RAD54B: variants seen among roughly 807,000 people sequenced by gnomAD.
The protein encoded by RAD54B is DNA repair and recombination protein RAD54B.
In RAD54B, 78 loss-of-function variants were observed where a neutral mutation model predicts 95.8. The ratio of observed to expected loss-of-function variants is 0.81; its 90% CI spans 0.68 to 0.98. The LOEUF (loss-of-function observed/expected upper bound fraction) is 0.98, where lower values mean the gene tolerates loss of function less well. RAD54B is among the 50% of genes least tolerant of loss of function. The pLI is 0.00. For synonymous variants in RAD54B, 328 were observed against 354.9 expected (o/e 0.92, Z 0.85); for missense variants, 957 against 1,056.6 (o/e 0.91, Z 1.31).
chr8:94,424,251 T>C (rs2130078573), intron 3 of RAD54B, among the ~76,000 whole-genome samples: 1 of 152,364 alleles, frequency 6.6e-6, no homozygotes, highest in African/African-American at 2.4e-5. Context: ...TGCCTCTTAC[T>C]AGCTCTATGA....
chr8:94,388,959 A>G (rs965006326), intron 10 of RAD54B, among the ~76,000 whole-genome samples: 2 of 152,364 alleles, frequency 1.3e-5, no homozygotes, highest in East Asian at 3.9e-4. Context: ...AAGAGACTGA[A>G]TAAGTCAGAA....
rs751730777 is a variant in RAD54B at position 94,378,182 on chromosome 8, G to C, written c.2513C>G (p.Thr838Arg). ...DCECTGEEVHTGDSLEKFIVS... is the reference protein window; with the variant it reads ...DCECTGEEVHRGDSLEKFIVS... ...AACAGAATTAAAATATAACTAACCT[G>C]TATGAACTTCTTCTCCTGTACACTC... The change falls in exon 14 of 15, where the codon ACA (threonine) becomes AGA (arginine). Residue 838 changes from threonine to arginine, a missense_variant and splice_region_variant. Thr to Arg is a moderately conservative substitution (Grantham distance 71, BLOSUM62 -1). Coordinates refer to ENST00000336148, the MANE Select transcript of RAD54B (RefSeq NM_012415.3). The C allele has an allele frequency of 1.2e-6, 2 of 1,603,712 alleles. No individual in the cohort carries two copies. Among genetic ancestry groups the C allele is most frequent in the Non-Finnish European group, 1.7e-6 (2 of 1,174,596 alleles).
At position 94,467,175 on chromosome 8, in the gene RAD54B, G is replaced by A. The variant is rs538913790; in HGVS notation, c.135+230C>T. ...CGTCCTTAGCTCAAGTGATCCTCCC[G>A]CCTCTGCCTCCCAAGGTGCTGGGAT... On this transcript the variant is annotated intron_variant, in intron 2 of 14. Transcript: ENST00000336148. Among the ~76,000 whole-genome samples, 3 of 152,162 alleles carry A rather than the reference G, an allele frequency of 2.0e-5. No homozygotes were observed. The highest frequency in any genetic ancestry group is 6.5e-5 in the Admixed American group (1 of 15,288).
At chr8:94,376,542 T>C (rs1469241504) in intron 14 of RAD54B, among the ~76,000 whole-genome samples, 1 of 151,170 alleles carries the variant, frequency 6.6e-6, no homozygotes, top group African/African-American at 2.4e-5. Flanking sequence ...AGGAAAAAAT[T>C]TAATAGGGAG....
At chr8:94,378,666 C>A (rs774940010) in intron 12 of RAD54B, 32 bp from the exon 13 acceptor site, 2 of 1,460,148 alleles carry the variant, frequency 1.4e-6, no homozygotes, top group East Asian at 4.5e-5. Flanking sequence ...TCTGAGAGTA[C>A]AGTAGAAACT....
chr8:94,416,745 G>A (rs543296549), intron 3 of RAD54B, among the ~76,000 whole-genome samples: 17 of 152,122 alleles, frequency 1.1e-4, no homozygotes, highest in Non-Finnish European at 2.5e-4. Context: ...AGTGTGATGC[G>A]TATGTGGAGA....
chr8:94,372,213 G>A lies in RAD54B; in HGVS notation c.2690C>T (p.Ser897Leu). The A allele has an allele frequency of 6.2e-7, 1 of 1,611,312 alleles. No homozygotes were observed. The highest frequency in any genetic ancestry group is 8.5e-7 in the Non-Finnish European group (1 of 1,179,168). ...PFLERITENV[S>L]FIFQNITTQA... is the part of the protein sequence containing the mutation. ...AGTGGTTATATTCTGAAAAATGAAT[G>A]ACACATTTTCTGTTATTCTTTCAAG... Residue 897 changes from serine to leucine, a missense_variant, in exon 15 of 15, where the codon TCA (serine) becomes TTA (leucine). Ser to Leu is a moderately radical substitution (Grantham distance 145). Transcript: ENST00000336148.
chr8:94,394,011 G>T, intron 8 of RAD54B, 129 bp from the exon 9 acceptor site: 1 of 824,114 alleles, frequency 1.2e-6, no homozygotes, highest in Non-Finnish European at 1.9e-6. Context: ...CAAGCAAATT[G>T]CCTAAAACTA....
intron 8 of RAD54B, among the ~76,000 whole-genome samples, chr8:94,395,118 G>C (rs1424841869): frequency 6.6e-6 from 1 of 152,088 alleles, no homozygotes; most frequent in Non-Finnish European, 1.5e-5. Context: ...ACTGTGGTTG[G>C]CTTTCAGACA....
At chr8:94,399,736 T>C in intron 7 of RAD54B, 115 bp from the exon 8 acceptor site, 1 of 1,350,994 alleles carries the variant, frequency 7.4e-7, no homozygotes, top group Non-Finnish European at 9.8e-7. Flanking sequence ...TAACTCTTTC[T>C]GTCTTAGTCA....
chr8:94,384,509 T>A (rs1435774406), intron 11 of RAD54B, among the ~76,000 whole-genome samples: 1 of 38,086 alleles, frequency 2.6e-5, no homozygotes, highest in Non-Finnish European at 1.4e-4. Flanking sequence ...AAGGAGTTGG[T>A]GTTTAATAGA....
intron 3 of RAD54B, chr8:94,428,036 G>A: frequency 1.1e-6 from 1 of 947,134 alleles, no homozygotes; most frequent in Non-Finnish European, 1.3e-6. Flanking sequence ...GAGTTTCACT[G>A]ACTTTTCTCA....
chr8:94,390,498 C>A (rs917684791), intron 10 of RAD54B, among the ~76,000 whole-genome samples: 1 of 149,574 alleles, frequency 6.7e-6, no homozygotes, highest in African/African-American at 2.4e-5. Context: ...AAGACTTCAT[C>A]TCAAAAAATA....
intron 3 of RAD54B, chr8:94,429,376 AAAG>A (rs1359212811): frequency 2.8e-6 from 2 of 702,828 alleles, no homozygotes; most frequent in Non-Finnish European, 3.5e-6. Flanking sequence ...CAAAAATAAA[AAAG>A]ATGTATACTG....
chr8:94,445,094 G>A (rs1812488995), intron 3 of RAD54B, among the ~76,000 whole-genome samples: 1 of 152,156 alleles, frequency 6.6e-6, no homozygotes, highest in African/African-American at 2.4e-5. Flanking sequence ...GGTTCTGGAA[G>A]CTAGGAAGTC....
intron 9 of RAD54B, chr8:94,393,528 ATGTTTAT>A (rs1811071057): frequency 4.7e-6 from 2 of 425,888 alleles, no homozygotes; most frequent in Non-Finnish European, 8.2e-6. Flanking sequence ...ACATTTTTAT[ATGTTTAT>A]TGTCATAATT....
At chr8:94,449,466 A>G (rs1194135124) in intron 3 of RAD54B, among the ~76,000 whole-genome samples, 1 of 151,962 alleles carries the variant, frequency 6.6e-6, no homozygotes, top group Admixed American at 6.6e-5. Context: ...AAAATTAGTC[A>G]GGTGTGGTGG....
At chr8:94,431,617 C>T in intron 3 of RAD54B, 1 of 929,740 alleles carries the variant, frequency 1.1e-6, no homozygotes, top group Non-Finnish European at 1.3e-6. Context: ...CCCTAAACTG[C>T]AGAGATGGAA....
intron 2 of RAD54B, among the ~76,000 whole-genome samples, chr8:94,466,890 C>T (rs1364720120): frequency 3.3e-5 from 5 of 151,968 alleles, no homozygotes; most frequent in Non-Finnish European, 5.9e-5. Context: ...TTATCATTAC[C>T]AAAAGTTTAT....
Sources: allele counts gnomAD v4.1 joint callset (sites outside exome capture counted in the v4.1 genomes callset), GRCh38; gene constraint gnomAD v4.1.1; transcripts MANE v1.5; gene names NCBI Gene and HGNC (gene_info 2026-07-23, HGNC 2026-07-21).